Variants in NUDCD1 observed in about 807,000 individuals in gnomAD.
NUDCD1 encodes nudC domain-containing protein 1.
Under a neutral mutation model 67.8 loss-of-function variants are expected in NUDCD1, and 60 were observed. That is an observed-to-expected ratio of 0.88 (90% CI 0.72 to 1.10). The LOEUF is 1.10. Among genes scored for constraint, NUDCD1 ranks in the 50% least tolerant of loss-of-function variants. The pLI is 0.00. For missense variants in NUDCD1, 643 were observed against 695.0 expected (o/e 0.93, Z 0.84); for synonymous variants, 244 against 230.8 (o/e 1.06, Z -0.52).
chr8:109,295,858 A>G (rs1337742297), intron 3 of NUDCD1, among the ~76,000 whole-genome samples: 1 of 152,172 alleles, frequency 6.6e-6, no homozygotes, highest in Admixed American at 6.6e-5. Flanking sequence ...ATTACTATTA[A>G]AACCCTAAAC....
chr8:109,276,798 T>C (rs1233861086), intron 6 of NUDCD1, among the ~76,000 whole-genome samples: 1 of 152,068 alleles, frequency 6.6e-6, no homozygotes, highest in Non-Finnish European at 1.5e-5. Flanking sequence ...TAGCTGGGAT[T>C]ACAGGCCACG....
At position 109,281,119 on chromosome 8, in the gene NUDCD1, G is replaced by C; in HGVS notation, c.877C>G (p.Leu293Val). ...TCCTCCTTAGTACTGTCTTCTGGAA[G>C]CCGTATGGTTACTGTCAAATCATCT... Reference protein sequence around the residue: ...TEDDLTVTIRLPEDSTKEDIQ... With the variant: ...TEDDLTVTIRVPEDSTKEDIQ... The change falls in exon 6 of 10, where the codon CTT becomes GTT. Residue 293 changes from leucine (L) to valine (V), a missense_variant. Coordinates refer to ENST00000239690, the MANE Select transcript of NUDCD1 (RefSeq NM_032869.4). 6.2e-7 allele frequency: 1 copy of C among 1,613,538 alleles called. No homozygotes were observed. The highest frequency in any genetic ancestry group is 8.5e-7 in the Non-Finnish European group (1 of 1,179,636).
intron 7 of NUDCD1, 52 bp downstream of exon 7, chr8:109,275,300 A>C: frequency 6.5e-7 from 1 of 1,546,716 alleles, no homozygotes; most frequent in Non-Finnish European, 8.8e-7. Flanking sequence ...TAATCTTCAC[A>C]TAACATATTT....
intron 8 of NUDCD1, among the ~76,000 whole-genome samples, chr8:109,254,558 TTCTTA>T (rs1393863029): frequency 1.3e-5 from 2 of 152,102 alleles, no homozygotes; most frequent in African/African-American, 2.4e-5. Context: ...ACTTCCACAT[TTCTTA>T]TCTTATGTTT....
intron 1 of NUDCD1, among the ~76,000 whole-genome samples, chr8:109,330,730 C>T (rs748029372): frequency 2.6e-4 from 39 of 152,142 alleles, no homozygotes; most frequent in Non-Finnish European, 4.9e-4. Context: ...CAATCATATC[C>T]TTCAAAGGGA....
intron 2 of NUDCD1, among the ~76,000 whole-genome samples, chr8:109,302,678 C>T (rs544729318): frequency 6.6e-6 from 1 of 152,284 alleles, no homozygotes; most frequent in South Asian, 2.1e-4. Flanking sequence ...GGTTAATGCT[C>T]CTCTTTCTTT....
chr8:109,245,948 A>G (rs1259698639), intron 8 of NUDCD1, among the ~76,000 whole-genome samples: 1 of 152,210 alleles, frequency 6.6e-6, no homozygotes, highest in African/African-American at 2.4e-5. Flanking sequence ...ACCTCCTGTC[A>G]GATCAGCAGT....
chr8:109,263,589 TCA>T (rs1176424479), intron 8 of NUDCD1, among the ~76,000 whole-genome samples: 2 of 152,192 alleles, frequency 1.3e-5, no homozygotes. Context: ...CTCAGAACCT[TCA>T]CAGTTCTTGA....
chr8:109,266,522 G>A (rs551574050), intron 8 of NUDCD1, among the ~76,000 whole-genome samples: 1 of 151,528 alleles, frequency 6.6e-6, no homozygotes, highest in Non-Finnish European at 1.5e-5. Flanking sequence ...GGGATTACAG[G>A]TGTGAGCCAC....
In NUDCD1 at chr8:109,243,123, T is replaced by C; in HGVS notation, c.1638A>G (p.Gln546=). ...GATCATTGGTTTCTAGGCTTGCTAC[T>C]TGCTGCTTAGCAACCTGTCCTACTT... is the stretch of plus-strand genomic sequence containing the variant. ...GRQVGQVAKQ[Q]VASLETNDPI... is the part of the protein sequence containing the mutation. Residue 546 remains glutamine, a synonymous_variant, in exon 10 of 10, where the codon CAA becomes CAG. Coordinates refer to ENST00000239690, the MANE Select transcript of NUDCD1 (RefSeq NM_032869.4). 1.2e-6 allele frequency: 2 copies of C among 1,613,908 alleles called. No individual in the cohort carries two copies. The highest frequency in any genetic ancestry group is 1.7e-6 in the Non-Finnish European group (2 of 1,179,810).
chr8:109,328,916 A>AT (rs1815742746), intron 1 of NUDCD1, among the ~76,000 whole-genome samples: 1 of 152,216 alleles, frequency 6.6e-6, no homozygotes, highest in Non-Finnish European at 1.5e-5. Context: ...GAGAATTACC[A>AT]ATCAATAGAA....
intron 8 of NUDCD1, among the ~76,000 whole-genome samples, chr8:109,266,270 G>A (rs1372263348): frequency 1.3e-5 from 2 of 151,278 alleles, no homozygotes; most frequent in Non-Finnish European, 2.9e-5. Context: ...GTGTCACCCA[G>A]GCCGGAGTGC....
At chr8:109,304,077 C>G (rs1037855862) in intron 2 of NUDCD1, among the ~76,000 whole-genome samples, 4 of 152,154 alleles carry the variant, frequency 2.6e-5, no homozygotes, top group African/African-American at 9.7e-5. Context: ...TTTCCCCACT[C>G]CCCTTTCCAA....
intron 2 of NUDCD1, among the ~76,000 whole-genome samples, chr8:109,312,119 T>C (rs1226613593): frequency 6.6e-6 from 1 of 151,760 alleles, no homozygotes; most frequent in Non-Finnish European, 1.5e-5. Context: ...CTGGCCAACA[T>C]GGTGAAACCC....
chr8:109,332,159 A>G (rs1197015858), intron 1 of NUDCD1, among the ~76,000 whole-genome samples: 1 of 152,226 alleles, frequency 6.6e-6, no homozygotes, highest in Non-Finnish European at 1.5e-5. Flanking sequence ...AGTGGAGGAA[A>G]CAGACAACAA....
chr8:109,261,316 T>C (rs1586257784), intron 8 of NUDCD1, among the ~76,000 whole-genome samples: 1 of 152,112 alleles, frequency 6.6e-6, no homozygotes. Flanking sequence ...ACATTAGCAC[T>C]GCTAGGTCAA....
rs961995166 is a variant in NUDCD1, at chr8:109,334,072, G to A, written c.-62C>T. The A allele has an allele frequency of 2.6e-5, 41 of 1,605,554 alleles. No homozygotes were observed. Among genetic ancestry groups the A allele is most frequent in the Non-Finnish European group, 3.2e-5 (38 of 1,175,256 alleles). On this transcript the variant is annotated 5_prime_UTR_variant, in exon 1 of 10. Transcript: ENST00000239690. Reference sequence around the variant, plus strand: ...CCTTGTTGAAAGGTCCGCGCTTCACGCCTCGCACAGAGACTGGGAAGCGGC... The same window carrying A: ...CCTTGTTGAAAGGTCCGCGCTTCACACCTCGCACAGAGACTGGGAAGCGGC...
At chr8:109,304,659 T>A (rs1248083296) in intron 2 of NUDCD1, among the ~76,000 whole-genome samples, 1 of 152,226 alleles carries the variant, frequency 6.6e-6, no homozygotes, top group African/African-American at 2.4e-5. Flanking sequence ...GGGTCCTCCA[T>A]CATTAATTCC....
rs562752441 is a variant in NUDCD1, at chr8:109,312,077, C to T, written c.273+10232G>A. ...CAGCACTTTGTGGGGCCAAGGCAGG[C>T]GAATCACCTGAGGCAGGAGTTCAAG... On this transcript the variant is annotated intron_variant, in intron 2 of 9. Transcript: ENST00000239690. 3.3e-3 allele frequency among the ~76,000 whole-genome samples: 495 copies of T among 152,066 alleles called. 4 individuals carry two copies. Among genetic ancestry groups the T allele is most frequent in the African/African-American group, 0.011 (455 of 41,498 alleles).
Sources: gnomAD v4.1 joint callset for allele counts (sites outside exome capture counted in the v4.1 genomes callset) on GRCh38, gnomAD v4.1.1 for gene constraint, MANE v1.5 for transcripts, NCBI Gene and HGNC (gene_info 2026-07-23, HGNC 2026-07-21) for gene names.